The following MOB3B variants were observed in gnomAD, a reference collection of about 807,000 sequenced individuals.
MOB3B encodes the protein MOB kinase activator-like 2B.
In MOB3B, 7 loss-of-function variants were observed where a neutral mutation model predicts 18.7. The observed-to-expected ratio is 0.37, with a 90% CI of 0.21 to 0.70. MOB3B has a LOEUF of 0.70. Among genes scored for constraint, MOB3B ranks in the 30% least tolerant of loss-of-function variants. The probability of loss-of-function intolerance (pLI) is 0.52; values close to 1 mark genes in which losing one functional copy is unlikely to be tolerated. For synonymous variants in MOB3B, 111 were observed against 99.9 expected (o/e 1.11, Z -0.66); for missense variants, 253 against 281.3 (o/e 0.90, Z 0.72).
chr9:27,503,276 C>T (rs1220135099), intron 1 of MOB3B, among the ~76,000 whole-genome samples: 5 of 152,192 alleles, frequency 3.3e-5, no homozygotes, highest in Non-Finnish European at 7.3e-5. Flanking sequence ...GAAAAATTGA[C>T]CACGAATGTC....
intron 2 of MOB3B, among the ~76,000 whole-genome samples, chr9:27,434,286 C>G (rs574383973): frequency 2.0e-5 from 3 of 152,198 alleles, no homozygotes; most frequent in Admixed American, 2.0e-4. Context: ...TTTCAACCCC[C>G]TCCTCTTGGC....
intron 1 of MOB3B, among the ~76,000 whole-genome samples, chr9:27,516,965 G>A (rs1820244378): frequency 6.6e-6 from 1 of 152,128 alleles, no homozygotes; most frequent in African/African-American, 2.4e-5. Context: ...CCCTAAGCCT[G>A]CTCCTCCTCC....
intron 1 of MOB3B, among the ~76,000 whole-genome samples, chr9:27,513,081 A>T (rs1820170774): frequency 1.3e-5 from 2 of 152,228 alleles, no homozygotes; most frequent in Admixed American, 1.3e-4. Context: ...ATCAAATGCT[A>T]AATGAGATTA....
intron 2 of MOB3B, among the ~76,000 whole-genome samples, chr9:27,372,033 C>T (rs1367994987): frequency 1.3e-5 from 2 of 152,184 alleles, no homozygotes; most frequent in African/African-American, 4.8e-5. Context: ...AAGAAAAACA[C>T]TCTCGTAGCA....
At chr9:27,513,330 C>T (rs1820174238) in intron 1 of MOB3B, among the ~76,000 whole-genome samples, 1 of 152,172 alleles carries the variant, frequency 6.6e-6, no homozygotes, top group Non-Finnish European at 1.5e-5. Context: ...AAATATCTGC[C>T]CTCAACCTGG....
At chr9:27,399,018 C>T (rs1821839393) in intron 2 of MOB3B, among the ~76,000 whole-genome samples, 1 of 151,908 alleles carries the variant, frequency 6.6e-6, no homozygotes, top group Non-Finnish European at 1.5e-5. Context: ...GGGAAACAGA[C>T]TCTTTCAAAT....
At position 27,359,029 on chromosome 9, in the gene MOB3B, C is replaced by T. The variant is rs562824711; in HGVS notation, c.621+5G>A. On this transcript the variant is annotated splice_donor_5th_base_variant and intron_variant, in intron 3 of 3. Transcript: ENST00000262244. ...TGGATACCATTATTTCATGGTGTCACTTACCAAAGGCTCTAGCTCCTTGCG... is the reference window on the plus strand; with the variant it reads ...TGGATACCATTATTTCATGGTGTCATTTACCAAAGGCTCTAGCTCCTTGCG... 1.2e-6 allele frequency: 2 copies of T among 1,614,034 alleles called. No individual in the cohort carries two copies. Among genetic ancestry groups the T allele is most frequent in the Non-Finnish European group, 8.5e-7 (1 of 1,179,980 alleles).
intron 1 of MOB3B, among the ~76,000 whole-genome samples, chr9:27,469,290 GA>G (rs145068682): frequency 2.6e-5 from 4 of 151,528 alleles, no homozygotes; most frequent in Non-Finnish European, 4.4e-5. Flanking sequence ...TCTAATACGA[GA>G]AAAAAAATGT....
At chr9:27,466,382 A>C (rs1299923885) in intron 1 of MOB3B, among the ~76,000 whole-genome samples, 1 of 152,160 alleles carries the variant, frequency 6.6e-6, no homozygotes, top group African/African-American at 2.4e-5. Context: ...TTTTTGTCAA[A>C]GCCATTCAAC....
Position 27,405,573 on chromosome 9 carries a change from C to T in MOB3B, c.419-46337G>A, listed in dbSNP as rs146806001. Among the ~76,000 whole-genome samples the T allele has an allele frequency of 3.6e-3, 545 of 152,210 alleles. 7 individuals are homozygous for T. The highest frequency in any genetic ancestry group is 0.023 in the Admixed American group (357 of 15,286). On this transcript the variant is annotated intron_variant, in intron 2 of 3. Transcript: ENST00000262244. ...GGTTCCTTCCTTTGTTGTGCAGAAG[C>T]TTTTTAGCTTGATCTGATACCATTT...
At chr9:27,403,553 G>C (rs10967926) in intron 2 of MOB3B, among the ~76,000 whole-genome samples, 3,829 of 107,226 alleles carry the variant, frequency 0.036, 269 homozygotes, top group East Asian at 0.34. Context: ...TTTTTTAAGA[G>C]ACAGGGTCTT....
At position 27,329,319 on chromosome 9, in the gene MOB3B, G is replaced by A. The variant is rs986459779; in HGVS notation, c.*1268C>T. The stretch of plus-strand genomic sequence containing the variant: ...TCAGAGAAGGCAACATTTCATCAAC[G>A]AAAACTCATTTAGGTTTCAAAAGGC... On this transcript the variant is annotated 3_prime_UTR_variant, in exon 4 of 4. Transcript: ENST00000262244. 2.6e-5 allele frequency: 4 copies of A among 152,104 alleles called. No individual in the cohort carries two copies. Among genetic ancestry groups the A allele is most frequent in the African/African-American group, 7.2e-5 (3 of 41,404 alleles). The allele number at this position is 152,104 out of a possible 1,614,324, so 9.4% of individuals were successfully genotyped here. A position where few individuals can be genotyped will look rare whatever the true frequency, so the allele number is the denominator to read the frequency against.
At chr9:27,401,023 G>A (rs1236111690) in intron 2 of MOB3B, among the ~76,000 whole-genome samples, 1 of 152,230 alleles carries the variant, frequency 6.6e-6, no homozygotes, top group Non-Finnish European at 1.5e-5. Context: ...CCAGAAACCA[G>A]TTCAAGCTAC....
rs562242637 is a variant in MOB3B at position 27,415,071 on chromosome 9, A to G, written c.418+40062T>C. ...GGGACGGGGTTTCACCATGTTGGCCAGGCTGGTTTCAAACTCCTGACCTCA... is the reference window on the plus strand; with the variant it reads ...GGGACGGGGTTTCACCATGTTGGCCGGGCTGGTTTCAAACTCCTGACCTCA... On this transcript the variant is annotated intron_variant, in intron 2 of 3. Coordinates refer to ENST00000262244, the MANE Select transcript of MOB3B (RefSeq NM_024761.5). Among the ~76,000 whole-genome samples, 17 of 152,178 alleles carry G rather than the reference A, an allele frequency of 1.1e-4. No homozygotes were observed. The East Asian group carries it at 3.3e-3, about 29-fold the overall frequency.
intron 1 of MOB3B, among the ~76,000 whole-genome samples, chr9:27,469,879 A>T (rs1819444243): frequency 6.6e-6 from 1 of 152,056 alleles, no homozygotes; most frequent in African/African-American, 2.4e-5. Flanking sequence ...TGAAGCCAGG[A>T]ATTAGAGACC....
intron 1 of MOB3B, among the ~76,000 whole-genome samples, chr9:27,489,845 C>T (rs1819789176): frequency 6.9e-6 from 1 of 144,818 alleles, no homozygotes; most frequent in Non-Finnish European, 1.5e-5. Flanking sequence ...GTTATTAACA[C>T]AAATGTATCT....
intron 2 of MOB3B, among the ~76,000 whole-genome samples, chr9:27,377,317 C>G (rs1369474720): frequency 6.6e-6 from 1 of 152,120 alleles, no homozygotes; most frequent in Non-Finnish European, 1.5e-5. Flanking sequence ...TAGATTACAC[C>G]TGCTGTGACA....
chr9:27,440,379 C>CTT (rs11310943), intron 2 of MOB3B, among the ~76,000 whole-genome samples: 2 of 143,674 alleles, frequency 1.4e-5, no homozygotes, highest in Non-Finnish European at 1.5e-5. Context: ...ATGATTCCTT[C>CTT]TTTTTTTTTT....
chr9:27,340,597 C>T lies in MOB3B; in HGVS notation c.622-9981G>A, dbSNP rs180702127. On this transcript the variant is annotated intron_variant, in intron 3 of 3. Coordinates refer to ENST00000262244, the MANE Select transcript of MOB3B (RefSeq NM_024761.5). ...GCAGCCCACCCCTCATTCTGCAACT[C>T]TGTGCTTTTTTTTTAGCACCCTGTC... 2.6e-5 allele frequency among the ~76,000 whole-genome samples: 4 copies of T among 152,050 alleles called. No homozygotes were observed. The East Asian group carries it at 7.7e-4, about 29-fold the overall frequency.
Sources: allele counts gnomAD v4.1 joint callset (sites outside exome capture counted in the v4.1 genomes callset), GRCh38; gene constraint gnomAD v4.1.1; transcripts MANE v1.5; gene names NCBI Gene and HGNC (gene_info 2026-07-23, HGNC 2026-07-21).